Variants in CNTRL observed in about 807,000 individuals in gnomAD.
CNTRL encodes centriolin.
In CNTRL, 233 loss-of-function variants were observed where a neutral mutation model predicts 303.7. The observed-to-expected ratio is 0.77, with a 90% CI of 0.69 to 0.86. The LOEUF (loss-of-function observed/expected upper bound fraction) is 0.86. CNTRL is among the 40% of genes least tolerant of loss of function. The pLI is 0.00. For missense variants in CNTRL, 2,524 were observed against 2,650.6 expected (o/e 0.95, Z 1.05); for synonymous variants, 900 against 922.2 (o/e 0.98, Z 0.44).
chr9:121,153,376 C>T (rs1300217498), intron 26 of CNTRL, among the ~76,000 whole-genome samples: 1 of 152,162 alleles, frequency 6.6e-6, no homozygotes, highest in East Asian at 1.9e-4. Flanking sequence ...CCTGTGGTTT[C>T]CTCAAACACC....
At chr9:121,100,481 A>C (rs557085794) in intron 7 of CNTRL, among the ~76,000 whole-genome samples, 5 of 152,348 alleles carry the variant, frequency 3.3e-5, no homozygotes, top group East Asian at 3.9e-4. Flanking sequence ...CCATCAATGC[A>C]AGGAAGAAAC....
At chr9:121,122,009 G>T in intron 12 of CNTRL, 1 of 790,970 alleles carries the variant, frequency 1.3e-6, no homozygotes, top group Non-Finnish European at 1.5e-6. Context: ...AGTCAGAGAT[G>T]TAAGTTCCTG....
intron 22 of CNTRL, among the ~76,000 whole-genome samples, chr9:121,145,675 G>T (rs1488257704): frequency 6.6e-6 from 1 of 152,022 alleles, no homozygotes; most frequent in Non-Finnish European, 1.5e-5. Context: ...TGGGTGGATC[G>T]CTTGAGGTCA....
In CNTRL at chr9:121,142,149, A is replaced by T. The variant is rs760582031; in HGVS notation, c.2750A>T (p.His917Leu). ...ATCCAGCAAATGGAGAATGAAATTCACTATTTGCAAGAAAATCTAAAAAGT... is the reference window on the plus strand; with the variant it reads ...ATCCAGCAAATGGAGAATGAAATTCTCTATTTGCAAGAAAATCTAAAAAGT... ...ARIQQMENEI[H>L]YLQENLKSME... is the part of the protein sequence containing the mutation. Residue 917 changes from histidine (H) to leucine (L), a missense_variant, in exon 19 of 44, where the codon CAC (histidine) becomes CTC (leucine). Coordinates refer to ENST00000373855, the MANE Select transcript of CNTRL (RefSeq NM_007018.6). 16 of 1,611,210 alleles carry T rather than the reference A, an allele frequency of 9.9e-6. No homozygotes were observed. The highest frequency in any genetic ancestry group is 1.4e-5 in the Non-Finnish European group (16 of 1,178,650).
In CNTRL at chr9:121,133,734, C is replaced by T. The variant is rs183935396; in HGVS notation, c.2026-2072C>T. 1.2e-3 allele frequency among the ~76,000 whole-genome samples: 185 copies of T among 152,334 alleles called. 2 individuals are homozygous for T. Among genetic ancestry groups the T allele is most frequent in the Non-Finnish European group, 1.9e-3 (132 of 68,040 alleles). ...TGCAGAAATCACCCGTCGTCTGCGT[C>T]GATCACGCTGGGAGCTGCAGACCAA... On this transcript the variant is annotated intron_variant, in intron 14 of 43. Coordinates refer to ENST00000373855, the MANE Select transcript of CNTRL (RefSeq NM_007018.6).
chr9:121,099,532 G>C (rs912132422), intron 7 of CNTRL, among the ~76,000 whole-genome samples: 2 of 152,206 alleles, frequency 1.3e-5, no homozygotes, highest in African/African-American at 4.8e-5. Context: ...CACCAGCAAT[G>C]GAACAAAGAT....
intron 12 of CNTRL, among the ~76,000 whole-genome samples, chr9:121,123,177 T>C (rs2050326987): frequency 6.6e-6 from 1 of 152,192 alleles, no homozygotes; most frequent in Admixed American, 6.5e-5. Context: ...AATCCCCATG[T>C]AATCCTTCCA....
intron 3 of CNTRL, 69 bp downstream of exon 3, chr9:121,088,612 G>A: frequency 1.1e-6 from 1 of 944,938 alleles, no homozygotes; most frequent in Admixed American, 2.3e-5. Flanking sequence ...TTTTCGGCTT[G>A]CATTTTTGGT....
chr9:121,141,407 G>A lies in CNTRL; in HGVS notation c.2510G>A (p.Gly837Glu), dbSNP rs143280176. The change falls in exon 18 of 44, where the codon GGG becomes GAG. Residue 837 changes from glycine (G) to glutamate (E), a missense_variant. Transcript: ENST00000373855. The stretch of plus-strand genomic sequence containing the variant: ...ATCCATAGTCCTTCAGATGTCTTAG[G>A]GAAAAGTCTTGCTGATTTACAGAAA... ...MNIHSPSDVL[G>E]KSLADLQKQF... 7 of 1,613,792 alleles carry A rather than the reference G, an allele frequency of 4.3e-6. No homozygotes were observed. The Admixed American group carries it at 1.0e-4, about 23-fold the overall frequency.
At chr9:121,173,178 A>G in intron 40 of CNTRL, 65 bp from the exon 41 acceptor site, 1 of 1,400,872 alleles carries the variant, frequency 7.1e-7, no homozygotes, top group Admixed American at 2.0e-5. Context: ...GGCACATCAT[A>G]CAGCTCAATT....
intron 7 of CNTRL, among the ~76,000 whole-genome samples, chr9:121,101,859 T>G (rs1408149346): frequency 6.6e-6 from 1 of 152,088 alleles, no homozygotes; most frequent in Non-Finnish European, 1.5e-5. Context: ...AGGAAGAAGT[T>G]GAATCTCTGA....
intron 26 of CNTRL, among the ~76,000 whole-genome samples, chr9:121,153,886 A>G (rs1463563108): frequency 6.6e-6 from 1 of 152,200 alleles, no homozygotes; most frequent in African/African-American, 2.4e-5. Context: ...GGCCACACCT[A>G]AAAGATAGGG....
intron 41 of CNTRL, 22 bp from the exon 42 acceptor site, chr9:121,173,653 C>G (rs202122011): frequency 3.7e-6 from 6 of 1,613,458 alleles, no homozygotes; most frequent in Non-Finnish European, 5.1e-6. Flanking sequence ...TTCATGATAT[C>G]TCTATTTTCC....
In CNTRL at chr9:121,140,652, T is replaced by G. The variant is rs780830646; in HGVS notation, c.2349T>G (p.Asn783Lys). The G allele has an allele frequency of 6.2e-7, 1 of 1,609,958 alleles. No individual in the cohort carries two copies. Among genetic ancestry groups the G allele is most frequent in the South Asian group, 1.1e-5 (1 of 90,506 alleles). Reference protein sequence around the residue: ...AKLKHLQDDNNLLKQQLKDFQ... With the variant: ...AKLKHLQDDNKLLKQQLKDFQ... ...ATCCCCCTCCATAGGATGACAATAA[T>G]CTGTTAAAACAGCAACTTAAAGATT... Residue 783 changes from asparagine (N) to lysine (K), a missense_variant, in exon 17 of 44, where the codon AAT becomes AAG. By Grantham distance (94) the Asn-to-Lys change is moderately conservative. Coordinates refer to ENST00000373855, the MANE Select transcript of CNTRL (RefSeq NM_007018.6).
intron 39 of CNTRL, among the ~76,000 whole-genome samples, chr9:121,170,151 C>T (rs901879979): frequency 7.2e-5 from 11 of 152,022 alleles, no homozygotes; most frequent in African/African-American, 2.2e-4. Context: ...CTTCTCTAGA[C>T]GGTTGTTTTT....
At chr9:121,121,638 G>A (rs1466450738) in intron 12 of CNTRL, 1 of 178,008 alleles carries the variant, frequency 5.6e-6, no homozygotes, top group Non-Finnish European at 1.1e-5. Context: ...TAGAGGGAAC[G>A]AGCTGTAGTG....
At chr9:121,078,450 T>C (rs1278192155) in intron 1 of CNTRL, among the ~76,000 whole-genome samples, 1 of 152,136 alleles carries the variant, frequency 6.6e-6, no homozygotes, top group Non-Finnish European at 1.5e-5. Flanking sequence ...CAGATTAAAC[T>C]CAATTTCTCC....
At chr9:121,116,741 C>T (rs1282040358) in intron 11 of CNTRL, among the ~76,000 whole-genome samples, 1 of 152,156 alleles carries the variant, frequency 6.6e-6, no homozygotes, top group Non-Finnish European at 1.5e-5. Context: ...GGGATGTGTG[C>T]ATCTGTATCT....
chr9:121,084,559 T>TTG (rs67977982), intron 2 of CNTRL, among the ~76,000 whole-genome samples: 2 of 151,678 alleles, frequency 1.3e-5, no homozygotes, highest in Non-Finnish European at 2.9e-5. Flanking sequence ...TTTTTTTTTT[T>TTG]TGTGAGATGG....
Sources: gnomAD v4.1 joint callset for allele counts (sites outside exome capture counted in the v4.1 genomes callset) on GRCh38, gnomAD v4.1.1 for gene constraint, MANE v1.5 for transcripts, NCBI Gene and HGNC (gene_info 2026-07-23, HGNC 2026-07-21) for gene names.